GRIK1: variants seen among roughly 807,000 people sequenced by gnomAD.
GRIK1 encodes the protein glutamate receptor ionotropic, kainate 1.
GRIK1 carries 69 observed loss-of-function variants against 105.7 expected under a neutral mutation model. The ratio of observed to expected loss-of-function variants is 0.65; its 90% CI spans 0.54 to 0.80. The LOEUF (loss-of-function observed/expected upper bound fraction) is 0.80, where lower values mean the gene tolerates loss of function less well. Among genes scored for constraint, GRIK1 ranks in the 30% least tolerant of loss-of-function variants. The pLI is 0.00. For missense variants in GRIK1, 1,109 were observed against 1,167.3 expected, an observed-to-expected ratio of 0.95 and a Z score of 0.73; for synonymous variants, 438 against 431.3, an observed-to-expected ratio of 1.02 and a Z score of -0.19.
chr21:29,629,131 A>G (rs910533878), intron 7 of GRIK1, among the ~76,000 whole-genome samples: 15 of 152,060 alleles, frequency 9.9e-5, no homozygotes, highest in Admixed American at 3.9e-4. Context: ...TTATAGTACA[A>G]TGATAAAAAT....
chr21:29,544,484 G>A (rs1469901054), intron 16 of GRIK1, among the ~76,000 whole-genome samples: 2 of 152,136 alleles, frequency 1.3e-5, no homozygotes, highest in Non-Finnish European at 2.9e-5. Flanking sequence ...TACTCTGTGT[G>A]CTTTTTTCCA....
intron 16 of GRIK1, among the ~76,000 whole-genome samples, chr21:29,545,324 G>A (rs2090033841): frequency 6.6e-6 from 1 of 152,200 alleles, no homozygotes; most frequent in Non-Finnish European, 1.5e-5. Flanking sequence ...AAACCACACA[G>A]TGCCTTTCTC....
intron 4 of GRIK1, among the ~76,000 whole-genome samples, chr21:29,668,463 C>T (rs536543079): frequency 4.5e-4 from 69 of 152,252 alleles, no homozygotes; most frequent in Non-Finnish European, 8.4e-4. Flanking sequence ...AAGGCTGTGT[C>T]ACGTGGCCAG....
chr21:29,810,435 A>C (rs1411142371), intron 1 of GRIK1, among the ~76,000 whole-genome samples: 1 of 151,902 alleles, frequency 6.6e-6, no homozygotes, highest in African/African-American at 2.4e-5. Context: ...TAGGTTGCTC[A>C]ATGCAGGCGT....
chr21:29,786,047 T>G (rs2066251721), intron 1 of GRIK1, among the ~76,000 whole-genome samples: 1 of 152,212 alleles, frequency 6.6e-6, no homozygotes, highest in African/African-American at 2.4e-5. Context: ...TGGAGTGCAG[T>G]GGCGATCTCC....
At position 29,549,454 on chromosome 21, in the gene GRIK1, T is replaced by G. The variant is rs529940936; in HGVS notation, c.2607+5598A>C. On this transcript the variant is annotated intron_variant, in intron 16 of 17. Transcript: ENST00000327783. The stretch of plus-strand genomic sequence containing the variant: ...TATGTGACTTAATTTGGGAAAAAAC[T>G]GCTACGTTCAAGCTAATTTTTATGA... Among the ~76,000 whole-genome samples the G allele has an allele frequency of 5.3e-5, 8 of 152,332 alleles. 1 individual carries two copies. The highest frequency in any genetic ancestry group is 9.6e-5 in the African/African-American group (4 of 41,582).
chr21:29,837,726 G>A (rs1187756812), intron 1 of GRIK1, among the ~76,000 whole-genome samples: 1 of 152,066 alleles, frequency 6.6e-6, no homozygotes, highest in African/African-American at 2.4e-5. Context: ...ACTTAAAGCA[G>A]ACCCACTGTG....
intron 1 of GRIK1, among the ~76,000 whole-genome samples, chr21:29,705,254 C>A (rs1244769016): frequency 3.3e-5 from 5 of 152,156 alleles, no homozygotes. Context: ...GCAGTATATA[C>A]CGATGTGTGT....
At chr21:29,591,267 G>A (rs2061330649) in intron 9 of GRIK1, 42 bp from the exon 10 acceptor site, 2 of 1,185,878 alleles carry the variant, frequency 1.7e-6, no homozygotes, top group East Asian at 4.7e-5. Flanking sequence ...GGCTGTCAGT[G>A]TGGCATTTAC....
chr21:29,571,844 T>C (rs2090757070), intron 14 of GRIK1, among the ~76,000 whole-genome samples: 1 of 152,222 alleles, frequency 6.6e-6, no homozygotes, highest in South Asian at 2.1e-4. Flanking sequence ...GAAATTACAC[T>C]GTTTGTGATG....
chr21:29,791,419 T>C (rs568541707), intron 1 of GRIK1, among the ~76,000 whole-genome samples: 3 of 152,064 alleles, frequency 2.0e-5, no homozygotes, highest in Non-Finnish European at 4.4e-5. Context: ...AGTACTATGA[T>C]TGCTGTTGAG....
At chr21:29,572,228 G>A (rs1463673008) in intron 14 of GRIK1, among the ~76,000 whole-genome samples, 2 of 152,090 alleles carry the variant, frequency 1.3e-5, no homozygotes, top group Admixed American at 1.3e-4. Flanking sequence ...ACATCCCTCT[G>A]ACGCTTTCTG....
chr21:29,871,180 G>T (rs1365639940), intron 1 of GRIK1, among the ~76,000 whole-genome samples: 1 of 152,160 alleles, frequency 6.6e-6, no homozygotes, highest in Admixed American at 6.5e-5. Flanking sequence ...CAAGCTTCCA[G>T]AGGGCAGGGA....
intron 12 of GRIK1, among the ~76,000 whole-genome samples, chr21:29,583,852 T>C (rs747675913): frequency 6.6e-6 from 1 of 152,148 alleles, no homozygotes; most frequent in Non-Finnish European, 1.5e-5. Context: ...TCCTAACACC[T>C]GCTTAAAGAT....
intron 1 of GRIK1, among the ~76,000 whole-genome samples, chr21:29,907,472 C>T (rs2070684630): frequency 6.6e-6 from 1 of 152,024 alleles, no homozygotes; most frequent in Non-Finnish European, 1.5e-5. Flanking sequence ...GTCTGACAGT[C>T]TCCTTCAATG....
intron 1 of GRIK1, among the ~76,000 whole-genome samples, chr21:29,734,769 G>T (rs2064745788): frequency 6.6e-6 from 1 of 152,038 alleles, no homozygotes; most frequent in South Asian, 2.1e-4. Context: ...TGTCACCATT[G>T]CCTCTTTGAC....
chr21:29,693,759 A>C, intron 2 of GRIK1, 137 bp downstream of exon 2: 3 of 656,798 alleles, frequency 4.6e-6, no homozygotes, highest in Non-Finnish European at 5.4e-6. Flanking sequence ...CTGATCAGTG[A>C]CATCGAAGAC....
chr21:29,722,238 T>A (rs2064340651), intron 1 of GRIK1, among the ~76,000 whole-genome samples: 1 of 152,132 alleles, frequency 6.6e-6, no homozygotes, highest in Admixed American at 6.5e-5. Flanking sequence ...ACAGCAGATT[T>A]GTGGTCACTT....
At chr21:29,875,277 G>A (rs1166682340) in intron 1 of GRIK1, among the ~76,000 whole-genome samples, 2 of 151,986 alleles carry the variant, frequency 1.3e-5, no homozygotes, top group South Asian at 2.1e-4. Context: ...TGGTAGAAAT[G>A]ATTACTCTCT....
Sources: gnomAD v4.1 joint callset for allele counts (sites outside exome capture counted in the v4.1 genomes callset) on GRCh38, gnomAD v4.1.1 for gene constraint, MANE v1.5 for transcripts, NCBI Gene and HGNC (gene_info 2026-07-23, HGNC 2026-07-21) for gene names.